NLGN3: variants seen among roughly 807,000 people sequenced by gnomAD.
NLGN3 encodes the protein neuroligin-3.
Under a neutral mutation model 42.9 loss-of-function variants are expected in NLGN3, and 11 were observed. That is an observed-to-expected ratio of 0.26 (90% CI 0.16 to 0.42). The LOEUF is 0.42. Ranked by LOEUF, NLGN3 falls within the 10% of genes least tolerant of loss-of-function variation. The pLI, the probability that NLGN3 is intolerant of heterozygous loss-of-function variation, is 1.00. For missense variants in NLGN3, 374 were observed against 733.8 expected (o/e 0.51, Z 5.67); for synonymous variants, 279 against 312.7 (o/e 0.89, Z 1.14).
At position 71,169,689 on chromosome X, in the gene NLGN3, C is replaced by T. The variant is rs371291995; in HGVS notation, c.2139C>T (p.Ala713=). Residue 713 remains alanine (A), a synonymous_variant, in exon 8 of 8, where the codon GCC becomes GCT. Transcript: ENST00000358741. ...DYSTELSVTI[A]VGASLLFLNV... is the part of the protein sequence containing the mutation. ...CCACTGAATTAAGTGTCACCATCGC[C>T]GTGGGGGCCTCCCTCCTGTTCCTTA... 5.8e-6 allele frequency: 7 copies of T among 1,210,393 alleles called. No homozygotes were observed. Among genetic ancestry groups the T allele is most frequent in the East Asian group, 3.0e-5 (1 of 33,764 alleles).
At chrX:71,149,203 G>A (rs2092382289) in intron 3 of NLGN3, among the ~76,000 whole-genome samples, 1 of 111,334 alleles carries the variant, frequency 9.0e-6, no homozygotes, top group Non-Finnish European at 1.9e-5. Flanking sequence ...CACCTCAGGA[G>A]AAACTCTAGG....
At chrX:71,150,715 A>G (rs1260758478) in intron 3 of NLGN3, among the ~76,000 whole-genome samples, 1 of 107,588 alleles carries the variant, frequency 9.3e-6, no homozygotes, top group Non-Finnish European at 1.9e-5. Flanking sequence ...AAAAAAAAAA[A>G]AAAAAAAGAA....
intron 4 of NLGN3, among the ~76,000 whole-genome samples, chrX:71,154,445 C>T (rs374996582): frequency 1.3e-3 from 149 of 112,577 alleles, no homozygotes; most frequent in African/African-American, 4.5e-3. Context: ...GATGCCGTGC[C>T]GCCTGGGCTC....
intron 3 of NLGN3, among the ~76,000 whole-genome samples, chrX:71,152,221 C>T (rs574487328): frequency 9.0e-6 from 1 of 111,122 alleles, no homozygotes; most frequent in South Asian, 3.9e-4. Context: ...GGTCCTCTCC[C>T]TCCACAGCCA....
At position 71,155,820 on chromosome X, in the gene NLGN3, C is replaced by T. The variant is rs764805852; in HGVS notation, c.727+457C>T. 2.3e-4 allele frequency among the ~76,000 whole-genome samples: 26 copies of T among 111,078 alleles called. No homozygotes were observed. In the South Asian group the frequency reaches 3.4e-3, roughly 15 times the overall value. ...ACCCCGCCATGCACCTGCAGGAAGA[C>T]GGTGATTTCTCACTCACCCCCATAA... On this transcript the variant is annotated intron_variant, in intron 5 of 7. Coordinates refer to ENST00000358741, the MANE Select transcript of NLGN3 (RefSeq NM_181303.2).
At chrX:71,146,151 TCTCA>T (rs1383265768) in intron 1 of NLGN3, among the ~76,000 whole-genome samples, 3 of 31,059 alleles carry the variant, frequency 9.7e-5, no homozygotes, top group African/African-American at 1.8e-4. Flanking sequence ...TCTCTCTCTC[TCTCA>T]CACACACACA....
At position 71,170,314 on chromosome X, in the gene NLGN3, CAAACCCTTT is replaced by C. The variant is rs2147917357; in HGVS notation, c.*221_*229del. 1 of 1,088,936 alleles carries C rather than the reference CAAACCCTTT, an allele frequency of 9.2e-7. No homozygotes were observed. Among genetic ancestry groups the C allele is most frequent in the East Asian group, 3.5e-5 (1 of 28,832 alleles). 89.7% of individuals were successfully genotyped at this position (1,088,936 alleles called of 1,213,427 possible). A position where few individuals can be genotyped will look rare whatever the true frequency, so the allele number is the denominator to read the frequency against. On this transcript the variant is annotated 3_prime_UTR_variant, in exon 8 of 8. Transcript: ENST00000358741. ...ACACAAATACGGAAGTAAACCTGAA[CAAACCCTTT>C]AAATGGGGACGCAGATGAGTCCTCG...
chrX:71,154,403 G>A (rs1233024467), intron 4 of NLGN3, among the ~76,000 whole-genome samples: 1 of 112,703 alleles, frequency 8.9e-6, no homozygotes, highest in African/African-American at 3.2e-5. Flanking sequence ...AGGTGATCAG[G>A]CCTGGAGCCT....
chrX:71,159,001 T>TGCACACACATGCATGTGC (rs1556347607), intron 5 of NLGN3, among the ~76,000 whole-genome samples: 1 of 110,904 alleles, frequency 9.0e-6, no homozygotes, highest in Non-Finnish European at 1.9e-5. Flanking sequence ...CATGCGTGTG[T>TGCACACACATGCATGTGC]GCACACACAT....
At chrX:71,150,498 G>T (rs751125879) in intron 3 of NLGN3, among the ~76,000 whole-genome samples, 2 of 110,618 alleles carry the variant, frequency 1.8e-5, no homozygotes, top group Non-Finnish European at 3.8e-5. Context: ...TCAGGAGATC[G>T]AGACCATCCT....
At position 71,147,871 on chromosome X, in the gene NLGN3, C is replaced by A. The variant is rs1433975748; in HGVS notation, c.122C>A (p.Ala41Glu). ...LALRASTQAP[A>E]PTVNTHFGKL... ...CTGAGGGCCAGTACCCAGGCCCCAG[C>A]ACCCACAGTCAACACTCACTTTGGG... is the stretch of plus-strand genomic sequence containing the variant. The change falls in exon 2 of 8, where the codon GCA becomes GAA. Residue 41 changes from alanine (A) to glutamate (E), a missense_variant. By Grantham distance (107) the Ala-to-Glu change is moderately radical. This residue lies in a region of NLGN3 where 109 missense variants were observed against 173.3 expected (regional missense o/e 0.63). Transcript: ENST00000358741. 7.5e-6 allele frequency: 9 copies of A among 1,205,665 alleles called. No individual in the cohort carries two copies. Among genetic ancestry groups the A allele is most frequent in the Non-Finnish European group, 1.0e-5 (9 of 892,884 alleles).
intron 5 of NLGN3, among the ~76,000 whole-genome samples, chrX:71,159,881 C>T (rs1032813029): frequency 2.0e-5 from 2 of 100,780 alleles, no homozygotes; most frequent in Admixed American, 1.1e-4. Context: ...CGCACCACCA[C>T]GCCCAGCTAT....
At chrX:71,149,141 A>G (rs2092381887) in intron 3 of NLGN3, among the ~76,000 whole-genome samples, 1 of 109,850 alleles carries the variant, frequency 9.1e-6, no homozygotes, top group South Asian at 4.0e-4. Context: ...CCCAGCCCCA[A>G]ATTCCACCCT....
At position 71,170,370 on chromosome X, in the gene NLGN3, C is replaced by A; in HGVS notation, c.*273C>A. 1 of 1,005,195 alleles carries A rather than the reference C, an allele frequency of 9.9e-7. No homozygotes were observed. Among genetic ancestry groups the A allele is most frequent in the Non-Finnish European group, 1.3e-6 (1 of 789,337 alleles). The allele number at this position is 1,005,195 out of a possible 1,213,427, so 82.8% of individuals were successfully genotyped here. A position where few individuals can be genotyped will look rare whatever the true frequency, so the allele number is the denominator to read the frequency against. On this transcript the variant is annotated 3_prime_UTR_variant, in exon 8 of 8. Transcript: ENST00000358741. ...CTCGGTAAACCGAGGACCCATGAAA[C>A]AGCAGCTGAAGCCAGCTCCCTGAAT...
intron 5 of NLGN3, among the ~76,000 whole-genome samples, chrX:71,157,373 G>A (rs763335105): frequency 5.1e-4 from 56 of 109,030 alleles, no homozygotes; most frequent in Non-Finnish European, 9.3e-4. Context: ...GCCCAGGCTG[G>A]AGTGCAATGG....
At chrX:71,159,890 A>ATTTT (rs748275369) in intron 5 of NLGN3, among the ~76,000 whole-genome samples, 1 of 50,407 alleles carries the variant, frequency 2.0e-5, no homozygotes, top group Non-Finnish European at 3.6e-5. Context: ...ACGCCCAGCT[A>ATTTT]TTTTTTTTTT....
intron 3 of NLGN3, among the ~76,000 whole-genome samples, chrX:71,152,001 C>T (rs773048585): frequency 2.7e-5 from 3 of 112,158 alleles, no homozygotes; most frequent in African/African-American, 9.7e-5. Context: ...TAGAGCTGTG[C>T]TCTTGTCCTG....
rs1309526295 is a variant in NLGN3 at position 71,167,479 on chromosome X, G to A, written c.1382G>A (p.Trp461Ter). ...RETIKFMYTD[W>*]ADRDNPETRR... ...ACCATCAAGTTCATGTATACAGACTGGGCAGACCGTGACAACCCTGAGACC... is the reference window on the plus strand; with the variant it reads ...ACCATCAAGTTCATGTATACAGACTAGGCAGACCGTGACAACCCTGAGACC... The change falls in exon 7 of 8, where the codon TGG becomes TAG. Residue 461 changes from tryptophan to a stop codon, truncating the protein, a stop_gained. Coordinates refer to ENST00000358741, the MANE Select transcript of NLGN3 (RefSeq NM_181303.2). LOFTEE classifies it high-confidence loss of function. 1 of 1,211,054 alleles carries A rather than the reference G, an allele frequency of 8.3e-7. No homozygotes were observed.
At chrX:71,156,332 C>A (rs1023456731) in intron 5 of NLGN3, among the ~76,000 whole-genome samples, 4 of 108,364 alleles carry the variant, frequency 3.7e-5, no homozygotes, top group African/African-American at 1.4e-4. Flanking sequence ...CTCAGAAACA[C>A]AAACAAATAT....
Sources: gnomAD v4.1 joint callset for allele counts (sites outside exome capture counted in the v4.1 genomes callset) on GRCh38, gnomAD v4.1.1 for gene constraint, gnomAD v4.1.1 regional missense constraint, MANE v1.5 for transcripts, NCBI Gene and HGNC (gene_info 2026-07-23, HGNC 2026-07-21) for gene names.